The following DYNC1I1 variants were observed in gnomAD, a reference collection of about 807,000 sequenced individuals.
DYNC1I1 encodes dynein cytoplasmic 1 intermediate chain 1.
A neutral mutation model predicts 86.6 loss-of-function variants in DYNC1I1; 43 were observed. That is an observed-to-expected ratio of 0.50 (90% CI 0.39 to 0.64). DYNC1I1 has a LOEUF of 0.64. Ranked by LOEUF, DYNC1I1 falls within the 30% of genes least tolerant of loss-of-function variation. The pLI is 0.00. For missense variants in DYNC1I1, 604 were observed against 788.8 expected (o/e 0.77, Z 2.81); for synonymous variants, 262 against 283.7 (o/e 0.92, Z 0.77).
At chr7:96,071,176 C>T (rs1196298524) in intron 14 of DYNC1I1, among the ~76,000 whole-genome samples, 1 of 152,042 alleles carries the variant, frequency 6.6e-6, no homozygotes, top group East Asian at 1.9e-4. Context: ...TGTCTGTTTT[C>T]ATGAAATATA....
intron 6 of DYNC1I1, among the ~76,000 whole-genome samples, chr7:95,872,255 A>G (rs2116179475): frequency 6.6e-6 from 1 of 152,350 alleles, no homozygotes; most frequent in South Asian, 2.1e-4. Context: ...GGAAACAACT[A>G]CGGAATTTTA....
At chr7:96,074,506 G>C (rs1035060684) in intron 14 of DYNC1I1, among the ~76,000 whole-genome samples, 4 of 145,310 alleles carry the variant, frequency 2.8e-5, no homozygotes, top group African/African-American at 1.0e-4. Context: ...AGCCGAGATC[G>C]CGCCACTGCA....
intron 10 of DYNC1I1, among the ~76,000 whole-genome samples, chr7:96,009,748 A>G (rs1358974566): frequency 6.6e-6 from 1 of 151,920 alleles, no homozygotes; most frequent in Non-Finnish European, 1.5e-5. Context: ...TTTGAAATGT[A>G]ATGCTGTTTA....
intron 14 of DYNC1I1, among the ~76,000 whole-genome samples, chr7:96,054,534 G>A (rs1288016694): frequency 2.0e-5 from 3 of 152,164 alleles, no homozygotes; most frequent in Non-Finnish European, 4.4e-5. Context: ...TGATATTTCT[G>A]GTTCTAGATC....
At chr7:95,820,578 C>T (rs1795051909) in intron 4 of DYNC1I1, among the ~76,000 whole-genome samples, 1 of 152,156 alleles carries the variant, frequency 6.6e-6, no homozygotes, top group East Asian at 1.9e-4. Context: ...TGTATTCTGT[C>T]CTTGAGCTCT....
At chr7:95,941,460 C>G (rs187869189) in intron 6 of DYNC1I1, among the ~76,000 whole-genome samples, 4,934 of 152,204 alleles carry the variant, frequency 0.032, 217 homozygotes, top group African/African-American at 0.098. Context: ...CCACCCAGTT[C>G]GAGCTTCCCG....
At chr7:95,922,085 AAAT>A (rs1791624449) in intron 6 of DYNC1I1, among the ~76,000 whole-genome samples, 1 of 152,228 alleles carries the variant, frequency 6.6e-6, no homozygotes, top group Admixed American at 6.5e-5. Context: ...AGCAATTAAA[AAAT>A]ATGAAACTGG....
chr7:95,837,893 G>A (rs541959410), intron 5 of DYNC1I1, among the ~76,000 whole-genome samples: 13 of 152,308 alleles, frequency 8.5e-5, no homozygotes, highest in African/African-American at 2.4e-4. Context: ...AGATGAACCC[G>A]GTACCTCAGA....
chr7:95,809,917 G>A (rs1794789317), intron 2 of DYNC1I1, among the ~76,000 whole-genome samples: 1 of 152,042 alleles, frequency 6.6e-6, no homozygotes, highest in Non-Finnish European at 1.5e-5. Flanking sequence ...TACAAATAGT[G>A]TGTTTTATAG....
chr7:96,091,131 A>C (rs1790831135), intron 16 of DYNC1I1, among the ~76,000 whole-genome samples: 1 of 152,148 alleles, frequency 6.6e-6, no homozygotes, highest in Non-Finnish European at 1.5e-5. Flanking sequence ...CAATCTCCTG[A>C]ATTTGGGTGC....
At chr7:95,847,252 G>A (rs1416644774) in intron 5 of DYNC1I1, among the ~76,000 whole-genome samples, 1 of 152,016 alleles carries the variant, frequency 6.6e-6, no homozygotes, top group African/African-American at 2.4e-5. Flanking sequence ...CAGTGCTGTT[G>A]CCACTTAGTG....
At chr7:96,077,929 C>A (rs1790392794) in intron 15 of DYNC1I1, among the ~76,000 whole-genome samples, 1 of 152,054 alleles carries the variant, frequency 6.6e-6, no homozygotes, top group Non-Finnish European at 1.5e-5. Context: ...TTTTAAAAAT[C>A]ATTATTGGTC....
chr7:95,955,295 G>A (rs571155367), intron 6 of DYNC1I1, among the ~76,000 whole-genome samples: 3 of 151,762 alleles, frequency 2.0e-5, no homozygotes, highest in South Asian at 2.1e-4. Context: ...AAAACAATTT[G>A]CAACAGATTG....
intron 10 of DYNC1I1, among the ~76,000 whole-genome samples, chr7:96,010,026 G>A (rs1013713549): frequency 2.6e-5 from 4 of 152,010 alleles, no homozygotes; most frequent in South Asian, 4.2e-4. Context: ...TGATCCACCC[G>A]TCTCGGCCTC....
chr7:96,098,877 G>A (rs903184822), downstream of DYNC1I1, among the ~76,000 whole-genome samples: 6 of 152,140 alleles, frequency 3.9e-5, no homozygotes, highest in Admixed American at 6.5e-5. Flanking sequence ...AAAAACATTC[G>A]AAGACAGGCT....
At chr7:95,969,250 C>A (rs1793103069) in intron 6 of DYNC1I1, among the ~76,000 whole-genome samples, 1 of 152,200 alleles carries the variant, frequency 6.6e-6, no homozygotes, top group South Asian at 2.1e-4. Flanking sequence ...CCTGAAAGAT[C>A]TAAGACTGAA....
At chr7:95,913,572 C>T (rs1791393348) in intron 6 of DYNC1I1, among the ~76,000 whole-genome samples, 1 of 152,222 alleles carries the variant, frequency 6.6e-6, no homozygotes, top group Non-Finnish European at 1.5e-5. Flanking sequence ...CCACATAAGA[C>T]ATGCCTTTGC....
chr7:95,795,700 C>T (rs35947864), intron 1 of DYNC1I1, among the ~76,000 whole-genome samples: 25,402 of 151,784 alleles, frequency 0.17, 2,635 homozygotes, highest in East Asian at 0.27. Flanking sequence ...AAGGCATAGA[C>T]ACATAGAGGG....
chr7:95,784,444 G>A (rs989069073), intron 1 of DYNC1I1, among the ~76,000 whole-genome samples: 17 of 152,104 alleles, frequency 1.1e-4, no homozygotes, highest in African/African-American at 3.6e-4. Flanking sequence ...AGTCCGTGAA[G>A]CTCATCTTGG....
Sources: gnomAD v4.1 joint callset for allele counts (sites outside exome capture counted in the v4.1 genomes callset) on GRCh38, gnomAD v4.1.1 for gene constraint, MANE v1.5 for transcripts, NCBI Gene and HGNC (gene_info 2026-07-23, HGNC 2026-07-21) for gene names.